The following BFSP2 variants were observed in gnomAD, a reference collection of about 807,000 sequenced individuals.
BFSP2 encodes beaded filament structural protein 2, also known as phakinin.
A neutral mutation model predicts 44.9 loss-of-function variants in BFSP2; 38 were observed. The observed-to-expected ratio is 0.85, with a 90% CI of 0.65 to 1.11. The LOEUF is 1.11. Ranked by LOEUF, BFSP2 falls within the 50% of genes least tolerant of loss-of-function variation. The pLI is 0.00. For missense variants in BFSP2, 525 were observed against 533.0 expected (o/e 0.99, Z 0.15); for synonymous variants, 197 against 209.9 (o/e 0.94, Z 0.53).
intron 1 of BFSP2, among the ~76,000 whole-genome samples, chr3:133,401,088 C>T (rs2073359254): frequency 1.3e-5 from 2 of 152,178 alleles, no homozygotes; most frequent in Non-Finnish European, 2.9e-5. Context: ...CCTACAACCA[C>T]GCTGTTCAAT....
chr3:133,437,780 G>C (rs1310885754), intron 1 of BFSP2, among the ~76,000 whole-genome samples: 1 of 152,140 alleles, frequency 6.6e-6, no homozygotes, highest in African/African-American at 2.4e-5. Context: ...CCCTGGAGAG[G>C]GAGCACCGTG....
At chr3:133,405,401 C>T (rs567054775) in intron 1 of BFSP2, among the ~76,000 whole-genome samples, 15 of 152,232 alleles carry the variant, frequency 9.9e-5, no homozygotes, top group African/African-American at 3.6e-4. Context: ...TCTTTCTGTC[C>T]CTTGCACAGA....
At chr3:133,410,350 C>T (rs756945717) in intron 1 of BFSP2, 10 of 334,328 alleles carry the variant, frequency 3.0e-5, no homozygotes, top group Non-Finnish European at 4.6e-5. Flanking sequence ...TGGCCAGAGA[C>T]ATGACTGTGA....
intron 1 of BFSP2, among the ~76,000 whole-genome samples, chr3:133,414,722 C>A: frequency 1.4e-5 from 2 of 145,040 alleles, no homozygotes; most frequent in Non-Finnish European, 3.0e-5. Context: ...GCCCTATCCC[C>A]TCTACTTACC....
rs906937015 is a variant in BFSP2, at chr3:133,472,462, G to T, written c.1141G>T (p.Ala381Ser). The T allele has an allele frequency of 1.2e-6, 2 of 1,614,044 alleles. No individual in the cohort carries two copies. Among genetic ancestry groups the T allele is most frequent in the African/African-American group, 2.7e-5 (2 of 75,074 alleles). Residue 381 changes from alanine (A) to serine (S), a missense_variant, in exon 6 of 7, where the codon GCG becomes TCG. Ala to Ser is a moderately conservative substitution (Grantham distance 99). Coordinates refer to ENST00000302334, the MANE Select transcript of BFSP2 (RefSeq NM_003571.4). The part of the protein sequence containing the change: ...EAELREIRAE[A>S]EQQQQERAHL... ...GGAGCTCAGGGAAATCCGAGCGGAG[G>T]CGGAGCAGCAGCAACAGGAGCGCGC...
chr3:133,433,840 G>T (rs1165835848), intron 1 of BFSP2, among the ~76,000 whole-genome samples: 1 of 152,190 alleles, frequency 6.6e-6, no homozygotes, highest in Non-Finnish European at 1.5e-5. Context: ...TCGCTTCTCA[G>T]AATTCAGGCC....
At chr3:133,415,316 GTCCTTTC>G (rs2073510090) in intron 1 of BFSP2, among the ~76,000 whole-genome samples, 1 of 69,470 alleles carries the variant, frequency 1.4e-5, no homozygotes, top group African/African-American at 6.3e-5. Context: ...ACTCGCCCCT[GTCCTTTC>G]CCCTCTACTC....
chr3:133,441,286 T>C (rs1394307183), intron 1 of BFSP2, among the ~76,000 whole-genome samples: 2 of 152,164 alleles, frequency 1.3e-5, no homozygotes, highest in African/African-American at 4.8e-5. Context: ...TCCGTCTGCC[T>C]GGGCCTCCCA....
intron 1 of BFSP2, among the ~76,000 whole-genome samples, chr3:133,440,925 T>C (rs868549896): frequency 6.6e-6 from 1 of 152,048 alleles, no homozygotes; most frequent in Admixed American, 6.6e-5. Flanking sequence ...TGTCTCTCAT[T>C]CTCCTTGGAC....
intron 1 of BFSP2, among the ~76,000 whole-genome samples, chr3:133,407,123 T>C (rs1477087772): frequency 2.6e-5 from 4 of 152,118 alleles, no homozygotes. Context: ...GGTACAAACC[T>C]GTAGTCCCAG....
At chr3:133,456,548 A>G (rs145166797) in intron 4 of BFSP2, among the ~76,000 whole-genome samples, 1 of 152,126 alleles carries the variant, frequency 6.6e-6, no homozygotes, top group African/African-American at 2.4e-5. Context: ...GGAGTTCAAG[A>G]CCAGCCTAAA....
chr3:133,411,766 A>G (rs900796199), intron 1 of BFSP2, among the ~76,000 whole-genome samples: 1 of 152,320 alleles, frequency 6.6e-6, no homozygotes, highest in African/African-American at 2.4e-5. Context: ...TATTATAGAG[A>G]TGAAACCAGC....
At chr3:133,411,944 T>G (rs2073458162) in intron 1 of BFSP2, among the ~76,000 whole-genome samples, 1 of 152,188 alleles carries the variant, frequency 6.6e-6, no homozygotes, top group Non-Finnish European at 1.5e-5. Flanking sequence ...TCCAAACAAT[T>G]AAAAAATATA....
At chr3:133,446,601 T>TAAAGG (rs2073901868) in intron 1 of BFSP2, among the ~76,000 whole-genome samples, 1 of 37,462 alleles carries the variant, frequency 2.7e-5, no homozygotes, top group African/African-American at 1.3e-4. Context: ...TATATATATA[T>TAAAGG]ATATATATAT....
intron 1 of BFSP2, among the ~76,000 whole-genome samples, chr3:133,426,586 A>G (rs1484437855): frequency 6.6e-6 from 1 of 152,216 alleles, no homozygotes; most frequent in African/African-American, 2.4e-5. Context: ...TTGGATTCCA[A>G]AAAGCAAAGG....
intron 2 of BFSP2, 119 bp downstream of exon 2, chr3:133,447,518 A>G (rs2073914509): frequency 9.6e-7 from 1 of 1,040,616 alleles, no homozygotes; most frequent in Non-Finnish European, 1.4e-6. Context: ...AGCTGGCAGG[A>G]TAACAGAGCC....
chr3:133,440,195 A>G (rs1015728679), intron 1 of BFSP2, among the ~76,000 whole-genome samples: 1 of 142,444 alleles, frequency 7.0e-6, no homozygotes, highest in East Asian at 2.1e-4. Flanking sequence ...CTATCTTACT[A>G]TCATGAGAAT....
chr3:133,410,183 G>T, intron 1 of BFSP2: 1 of 192,342 alleles, frequency 5.2e-6, no homozygotes, highest in Non-Finnish European at 1.1e-5. Flanking sequence ...GCTTATTGCA[G>T]TTTCCAAGCC....
intron 1 of BFSP2, among the ~76,000 whole-genome samples, chr3:133,415,366 A>C (rs1265209403): frequency 4.4e-4 from 5 of 11,276 alleles, no homozygotes; most frequent in Non-Finnish European, 6.7e-4. Flanking sequence ...TCACCCCTCT[A>C]CTCAACCCTG....
Sources: gnomAD v4.1 joint callset for allele counts (sites outside exome capture counted in the v4.1 genomes callset) on GRCh38, gnomAD v4.1.1 for gene constraint, MANE v1.5 for transcripts, NCBI Gene and HGNC (gene_info 2026-07-23, HGNC 2026-07-21) for gene names.